FIG4: variants seen among roughly 807,000 people sequenced by gnomAD.
FIG4 encodes FIG4 phosphoinositide 5-phosphatase, also known as polyphosphoinositide phosphatase.
A neutral mutation model predicts 118.6 loss-of-function variants in FIG4; 112 were observed. That is an observed-to-expected ratio of 0.94 (90% confidence interval 0.81 to 1.11). The LOEUF (loss-of-function observed/expected upper bound fraction) is 1.11. FIG4 is among the 50% of genes least tolerant of loss of function. The probability of loss-of-function intolerance (pLI) is 0.00; values close to 1 mark genes in which losing one functional copy is unlikely to be tolerated. For missense variants in FIG4, 969 were observed against 1,111.7 expected, an observed-to-expected ratio of 0.87 and a Z score of 1.83; for synonymous variants, 369 against 381.2, an observed-to-expected ratio of 0.97 and a Z score of 0.37.
intron 1 of FIG4, among the ~76,000 whole-genome samples, chr6:109,704,370 T>C (rs932584220): frequency 5.3e-5 from 8 of 152,116 alleles, no homozygotes; most frequent in Admixed American, 3.9e-4. Flanking sequence ...AAATGTGGGC[T>C]TGGGGCCAGG....
intron 15 of FIG4, among the ~76,000 whole-genome samples, chr6:109,767,536 T>G (rs895466855): frequency 6.6e-5 from 10 of 152,156 alleles, no homozygotes; most frequent in African/African-American, 2.4e-4. Context: ...TGTACCAGAT[T>G]AAGGATAGAA....
At chr6:109,708,691 G>A (rs1469116326) in intron 1 of FIG4, among the ~76,000 whole-genome samples, 1 of 151,958 alleles carries the variant, frequency 6.6e-6, no homozygotes, top group Non-Finnish European at 1.5e-5. Context: ...TTTCATTTTG[G>A]TTTTGATTTG....
At chr6:109,742,673 A>G (rs532943293) in intron 8 of FIG4, among the ~76,000 whole-genome samples, 3 of 152,174 alleles carry the variant, frequency 2.0e-5, no homozygotes, top group Admixed American at 2.0e-4. Context: ...AAGTACCTCA[A>G]AACCCTATTT....
At chr6:109,739,109 C>T (rs1562654695) in intron 7 of FIG4, among the ~76,000 whole-genome samples, 1 of 152,016 alleles carries the variant, frequency 6.6e-6, no homozygotes, top group African/African-American at 2.4e-5. Flanking sequence ...CGTTTTCAAG[C>T]TGGATTAAGT....
At chr6:109,820,010 A>G (rs1778962027) in intron 22 of FIG4, among the ~76,000 whole-genome samples, 1 of 152,172 alleles carries the variant, frequency 6.6e-6, no homozygotes, top group Admixed American at 6.5e-5. Flanking sequence ...AGGGAGACAG[A>G]TGGGGGCACA....
At chr6:109,746,264 T>G (rs1177794513) in intron 10 of FIG4, among the ~76,000 whole-genome samples, 1 of 152,148 alleles carries the variant, frequency 6.6e-6, no homozygotes, top group Admixed American at 6.6e-5. Flanking sequence ...TTTGAGAGTT[T>G]CCTATGTGCA....
intron 4 of FIG4, among the ~76,000 whole-genome samples, chr6:109,731,738 A>G (rs937860966): frequency 1.3e-5 from 2 of 152,154 alleles, no homozygotes; most frequent in Non-Finnish European, 2.9e-5. Flanking sequence ...ATGCCATTTT[A>G]TATCAGGAAC....
intron 22 of FIG4, among the ~76,000 whole-genome samples, chr6:109,800,684 G>T (rs1029096129): frequency 6.6e-6 from 1 of 152,134 alleles, no homozygotes; most frequent in Non-Finnish European, 1.5e-5. Flanking sequence ...CCTGGTTGAG[G>T]CCCCATGAGC....
At chr6:109,819,695 C>G (rs937630434) in intron 22 of FIG4, among the ~76,000 whole-genome samples, 19 of 152,154 alleles carry the variant, frequency 1.2e-4, no homozygotes, top group Non-Finnish European at 7.3e-5. Flanking sequence ...TCTCGAACTC[C>G]TGACCTCAGG....
chr6:109,718,657 C>T (rs1775509929), intron 3 of FIG4, among the ~76,000 whole-genome samples: 1 of 151,976 alleles, frequency 6.6e-6, no homozygotes, highest in Non-Finnish European at 1.5e-5. Context: ...TTTTCTATGC[C>T]TTTTGCTTAG....
chr6:109,791,899 C>T (rs369447215), intron 20 of FIG4, among the ~76,000 whole-genome samples: 13 of 152,290 alleles, frequency 8.5e-5, no homozygotes, highest in Non-Finnish European at 8.8e-5. Flanking sequence ...AGGATTTAGA[C>T]GTGGCCTTCA....
At chr6:109,803,779 C>A in intron 22 of FIG4, among the ~76,000 whole-genome samples, 1 of 126,610 alleles carries the variant, frequency 7.9e-6, no homozygotes, top group East Asian at 2.7e-4. Context: ...TCCCCCCACC[C>A]CACAACAGTC....
chr6:109,706,923 C>G (rs1286871323), intron 1 of FIG4, among the ~76,000 whole-genome samples: 1 of 152,152 alleles, frequency 6.6e-6, no homozygotes, highest in Non-Finnish European at 1.5e-5. Context: ...GTTACCCCCT[C>G]TCCTCTCAGT....
intron 10 of FIG4, among the ~76,000 whole-genome samples, chr6:109,753,781 A>C (rs1288691014): frequency 6.6e-6 from 1 of 152,034 alleles, no homozygotes; most frequent in Non-Finnish European, 1.5e-5. Context: ...ATTTTTGTAC[A>C]TTGATTTTGT....
At chr6:109,711,793 C>T (rs1775272752) in intron 1 of FIG4, among the ~76,000 whole-genome samples, 2 of 151,836 alleles carry the variant, frequency 1.3e-5, no homozygotes, top group Non-Finnish European at 2.9e-5. Context: ...TACGTGTGAA[C>T]CTATCATCAG....
At chr6:109,731,435 C>G (rs905043055) in intron 4 of FIG4, among the ~76,000 whole-genome samples, 3 of 152,034 alleles carry the variant, frequency 2.0e-5, no homozygotes, top group East Asian at 3.9e-4. Context: ...TAGGAAGAAC[C>G]TAATGGTCTA....
intron 21 of FIG4, 46 bp downstream of exon 21, chr6:109,792,710 AT>A (rs1393918248): frequency 1.9e-6 from 2 of 1,061,880 alleles, no homozygotes; most frequent in Non-Finnish European, 2.9e-6. Flanking sequence ...AATATTTATA[AT>A]TACAGTAACT....
intron 16 of FIG4, among the ~76,000 whole-genome samples, chr6:109,779,534 T>C (rs1777731392): frequency 6.6e-6 from 1 of 152,244 alleles, no homozygotes; most frequent in Non-Finnish European, 1.5e-5. Flanking sequence ...TCTAAGTAGA[T>C]AATATGGCTT....
At chr6:109,692,017 C>T (rs1365107558) in intron 1 of FIG4, among the ~76,000 whole-genome samples, 1 of 152,104 alleles carries the variant, frequency 6.6e-6, no homozygotes, top group African/African-American at 2.4e-5. Context: ...GGAAAACTTA[C>T]TTTGTTTAAA....
Sources: allele counts gnomAD v4.1 joint callset (sites outside exome capture counted in the v4.1 genomes callset), GRCh38; gene constraint gnomAD v4.1.1; transcripts MANE v1.5; gene names NCBI Gene and HGNC (gene_info 2026-07-23, HGNC 2026-07-21).